Variants in SREBF1 observed in about 807,000 individuals in gnomAD.
The protein encoded by SREBF1 is sterol regulatory element-binding protein 1.
SREBF1 carries 45 observed loss-of-function variants against 100.1 expected under a neutral mutation model. The observed-to-expected ratio is 0.45, with a 90% confidence interval of 0.35 to 0.58. SREBF1 has a LOEUF of 0.58. Ranked by LOEUF, SREBF1 falls within the 20% of genes least tolerant of loss-of-function variation. The pLI is 0.00. For synonymous variants in SREBF1, 657 were observed against 681.8 expected, an observed-to-expected ratio of 0.96 and a Z score of 0.57; for missense variants, 1,324 against 1,539.4, an observed-to-expected ratio of 0.86 and a Z score of 2.34.
chr17:17,836,123 G>A (rs930035824), intron 1 of SREBF1, among the ~76,000 whole-genome samples: 5 of 152,238 alleles, frequency 3.3e-5, no homozygotes, highest in African/African-American at 9.6e-5. Context: ...TAAAAGAGGG[G>A]GTACCCAGGT....
intron 1 of SREBF1, among the ~76,000 whole-genome samples, chr17:17,821,293 CAA>C (rs2034085766): frequency 6.6e-6 from 1 of 152,176 alleles, no homozygotes; most frequent in Non-Finnish European, 1.5e-5. Context: ...CCACACAGAA[CAA>C]AAGGAATCCA....
intron 1 of SREBF1, among the ~76,000 whole-genome samples, chr17:17,827,344 G>C (rs2143043133): frequency 6.6e-6 from 1 of 152,318 alleles, no homozygotes; most frequent in African/African-American, 2.4e-5. Flanking sequence ...TCAGCCACAG[G>C]GGAGGATGTG....
intron 18 of SREBF1, 117 bp from the exon 19 acceptor site, chr17:17,812,968 C>A (rs930758785): frequency 8.5e-5 from 86 of 1,011,504 alleles, no homozygotes; most frequent in Non-Finnish European, 1.5e-5. Flanking sequence ...AGGTACCTGG[C>A]GGGGGCCTGG....
chr17:17,831,044 C>A (rs1598139936), intron 1 of SREBF1, among the ~76,000 whole-genome samples: 2 of 152,210 alleles, frequency 1.3e-5, no homozygotes, highest in African/African-American at 2.4e-5. Context: ...ATGTTTGTGT[C>A]CAGCTAGGTG....
At chr17:17,826,468 C>T (rs550472029) in intron 1 of SREBF1, among the ~76,000 whole-genome samples, 1 of 152,220 alleles carries the variant, frequency 6.6e-6, no homozygotes, top group East Asian at 1.9e-4. Context: ...ATGGGTGAAC[C>T]GGGCTTCCCT....
At position 17,817,038 on chromosome 17, in the gene SREBF1, C is replaced by A; in HGVS notation, c.1705G>T (p.Glu569Ter). ...CCTGAGTGGGGCCGTGTGACTGGCT[C>A]ACCGTAGACAAAGAGAAGCACCAAG... ...VSLVLLFVYG[E>*]PVTRPHSGPA... The change falls in exon 9 of 19, where the codon GAG (glutamate) becomes TAG (stop). Residue 569 changes from glutamate (E) to a stop codon, truncating the protein, a stop_gained. Coordinates refer to ENST00000261646, the MANE Select transcript of SREBF1 (RefSeq NM_004176.5). LOFTEE classifies it high-confidence loss of function. The surrounding 1 kb of genome is among the most constrained non-coding windows in gnomAD (Gnocchi z 6.6). 1 of 1,613,148 alleles carries A rather than the reference C, an allele frequency of 6.2e-7. No homozygotes were observed. The highest frequency in any genetic ancestry group is 8.5e-7 in the Non-Finnish European group (1 of 1,180,028).
intron 1 of SREBF1, among the ~76,000 whole-genome samples, chr17:17,834,531 C>G (rs2035106475): frequency 6.6e-6 from 1 of 152,196 alleles, no homozygotes; most frequent in Non-Finnish European, 1.5e-5. Flanking sequence ...AAAGCTGAGC[C>G]CTGCCTAGTG....
rs1374365090 is a variant in SREBF1 at position 17,812,072 on chromosome 17, C to T, written c.*550G>A. On this transcript the variant is annotated 3_prime_UTR_variant, in exon 19 of 19. Coordinates refer to ENST00000261646, the MANE Select transcript of SREBF1 (RefSeq NM_004176.5). Reference sequence around the variant, plus strand: ...CATCCATCAGCTGAAGACACAAAACCCAGATTATAAATAATTTCATTTTTA... The same window carrying T: ...CATCCATCAGCTGAAGACACAAAACTCAGATTATAAATAATTTCATTTTTA... 2 of 434,710 alleles carry T rather than the reference C, an allele frequency of 4.6e-6. No individual in the cohort carries two copies. The highest frequency in any genetic ancestry group is 5.8e-5 in the Admixed American group (2 of 34,566). 26.9% of individuals were successfully genotyped at this position (434,710 alleles called of 1,614,324 possible).
rs1486014250 is a variant in SREBF1 at position 17,816,324 on chromosome 17, G to A, written c.2097C>T (p.Ala699=). The A allele has an allele frequency of 1.3e-6, 2 of 1,588,174 alleles. No individual in the cohort carries two copies. Among genetic ancestry groups the A allele is most frequent in the Admixed American group, 1.8e-5 (1 of 56,430 alleles). The change falls in exon 11 of 19, where the codon GCC becomes GCT. Residue 699 remains alanine (A), a synonymous_variant. Coordinates refer to ENST00000261646, the MANE Select transcript of SREBF1 (RefSeq NM_004176.5). ...HLTATNLALS[A]LNLAECAGDA... ...CCCCTGCACACTCTGCCAGGTTCAG[G>A]GCACTCAGCGCCAGGTTGGTGGCAG... is the stretch of plus-strand genomic sequence containing the variant.
Position 17,819,146 on chromosome 17 carries a change from C to G in SREBF1, c.935G>C (p.Ser312Thr), listed in dbSNP as rs754906587. Residue 312 changes from serine (S) to threonine (T), a missense_variant, in exon 5 of 19, where the codon AGC becomes ACC. Coordinates refer to ENST00000261646, the MANE Select transcript of SREBF1 (RefSeq NM_004176.5). ...KLPINRLAAG[S>T]KAPASAQSRG... ...GCTCTGGGCAGAGGCCGGGGCCTTG[C>G]TGCCAGCTGCGAGCCGGTTGATAGG... 5.6e-6 allele frequency: 9 copies of G among 1,614,062 alleles called. No homozygotes were observed. The highest frequency in any genetic ancestry group is 5.9e-6 in the Non-Finnish European group (7 of 1,180,062).
chr17:17,814,191 G>A, intron 16 of SREBF1, 54 bp downstream of exon 16: 1 of 1,552,300 alleles, frequency 6.4e-7, no homozygotes, highest in African/African-American at 1.3e-5. Context: ...GAGGAACCAG[G>A]GAATGGAAAG....
chr17:17,819,108 G>A lies in SREBF1; in HGVS notation c.973C>T (p.Arg325Cys), dbSNP rs762037863. The change falls in exon 5 of 19, where the codon CGC becomes TGC. Residue 325 changes from arginine to cysteine, a missense_variant. Physicochemically the swap from Arg to Cys is radical, Grantham distance 180. Coordinates refer to ENST00000261646, the MANE Select transcript of SREBF1 (RefSeq NM_004176.5). ...TTCTCAATGGCGTTGTGGGCTGTGCGCTTCTCTCCACGGCTCTGGGCAGAG... is the reference window on the plus strand; with the variant it reads ...TTCTCAATGGCGTTGTGGGCTGTGCACTTCTCTCCACGGCTCTGGGCAGAG... ...PASAQSRGEK[R>C]TAHNAIEKRY... The A allele has an allele frequency of 4.3e-6, 7 of 1,614,054 alleles. No homozygotes were observed. Among genetic ancestry groups the A allele is most frequent in the Non-Finnish European group, 5.1e-6 (6 of 1,180,046 alleles).
rs765462041 is a variant in SREBF1, at chr17:17,819,589, G to A, written c.660C>T (p.Pro220=). The change falls in exon 3 of 19, where the codon CCC becomes CCT. Residue 220 remains proline, a synonymous_variant. Transcript: ENST00000261646. ...PQQLLTVTAA[P]TAAPVTTTVT... ...CAGTGGTCGTTACAGGGGCTGCCGT[G>A]GGGGCAGCTGTGACTGTCAGTAGCT... 1.1e-5 allele frequency: 18 copies of A among 1,613,630 alleles called. No homozygotes were observed. Among genetic ancestry groups the A allele is most frequent in the Non-Finnish European group, 1.5e-5 (18 of 1,179,972 alleles).
Position 17,811,958 on chromosome 17 carries a change from T to C in SREBF1, c.*664A>G, listed in dbSNP as rs887661580. 4.5e-6 allele frequency: 2 copies of C among 448,762 alleles called. No individual in the cohort carries two copies. Among genetic ancestry groups the C allele is most frequent in the African/African-American group, 4.1e-5 (2 of 49,316 alleles). 27.8% of individuals were successfully genotyped at this position (448,762 alleles called of 1,614,324 possible). ...CAAACAAACATCGGGAAGAGCTAAG[T>C]TAAAAGTTGTGTACCTTGTGGCCGG... is the stretch of plus-strand genomic sequence containing the variant. On this transcript the variant is annotated 3_prime_UTR_variant, in exon 19 of 19. Coordinates refer to ENST00000261646, the MANE Select transcript of SREBF1 (RefSeq NM_004176.5).
intron 6 of SREBF1, 49 bp downstream of exon 6, chr17:17,818,211 C>G: frequency 6.5e-7 from 1 of 1,535,138 alleles, no homozygotes; most frequent in Non-Finnish European, 9.0e-7. Context: ...GGAGGTGGAG[C>G]AAGGCTAGAG....
chr17:17,836,367 A>G (rs1360056305), intron 1 of SREBF1, among the ~76,000 whole-genome samples: 2 of 152,194 alleles, frequency 1.3e-5, no homozygotes. Flanking sequence ...GCTGGGGCGG[A>G]GCTTCGGCGA....
In SREBF1 at chr17:17,816,450, G is replaced by A. The variant is rs539350578; in HGVS notation, c.2047+7C>T. ...CACCTCGGAGCCCGCCCCACGCTCA[G>A]TCCTACCCATGGTGTGCAGCTGGTG... On this transcript the variant is annotated splice_region_variant and intron_variant, in intron 10 of 18. Coordinates refer to ENST00000261646, the MANE Select transcript of SREBF1 (RefSeq NM_004176.5). The A allele has an allele frequency of 6.2e-7, 1 of 1,605,874 alleles. No individual in the cohort carries two copies. The highest frequency in any genetic ancestry group is 1.1e-5 in the South Asian group (1 of 89,822).
chr17:17,835,688 G>A (rs1392610758), intron 1 of SREBF1, among the ~76,000 whole-genome samples: 2 of 152,248 alleles, frequency 1.3e-5, no homozygotes, highest in African/African-American at 2.4e-5. Context: ...AGGGGCTTCC[G>A]TTTGCTCTAT....
In SREBF1 at chr17:17,814,413, G is replaced by A. The variant is rs984661937; in HGVS notation, c.2736-3C>T. 6 of 1,553,916 alleles carry A rather than the reference G, an allele frequency of 3.9e-6. No individual in the cohort carries two copies. In the African/African-American group the frequency reaches 6.8e-5, roughly 18 times the overall value. ...GAGCTGCCCTGGGCAGGGGTCTCCT[G>A]TTGGGACCAGGGCAGAAGAGTGCCA... is the stretch of plus-strand genomic sequence containing the variant. On this transcript the variant is annotated splice_polypyrimidine_tract_variant and splice_region_variant and intron_variant, in intron 15 of 18. Coordinates refer to ENST00000261646, the MANE Select transcript of SREBF1 (RefSeq NM_004176.5).
Sources: allele counts gnomAD v4.1 joint callset (sites outside exome capture counted in the v4.1 genomes callset), GRCh38; gene constraint gnomAD v4.1.1; non-coding constraint Gnocchi (gnomAD v3.1); transcripts MANE v1.5; gene names NCBI Gene and HGNC (gene_info 2026-07-23, HGNC 2026-07-21).